The following KIF6 variants were observed in gnomAD, a reference collection of about 807,000 sequenced individuals.
KIF6 encodes the protein kinesin family member 6.
KIF6 carries 106 observed loss-of-function variants against 112.7 expected under a neutral mutation model. That is an observed-to-expected ratio of 0.94 (90% CI 0.80 to 1.11). The LOEUF is 1.11. KIF6 is among the 50% of genes least tolerant of loss of function. KIF6 has a pLI of 0.00. For missense variants in KIF6, 929 were observed against 964.0 expected, an observed-to-expected ratio of 0.96 and a Z score of 0.48; for synonymous variants, 339 against 339.9, an observed-to-expected ratio of 1.00 and a Z score of 0.03.
chr6:39,683,779 C>T (rs961275011), intron 3 of KIF6, among the ~76,000 whole-genome samples: 19 of 152,006 alleles, frequency 1.2e-4, no homozygotes, highest in African/African-American at 4.6e-4. Context: ...TTTGGGTCAT[C>T]CTCTGGAAAT....
At chr6:39,425,850 C>G (rs1770727829) in intron 14 of KIF6, among the ~76,000 whole-genome samples, 1 of 151,310 alleles carries the variant, frequency 6.6e-6, no homozygotes, top group South Asian at 2.1e-4. Context: ...TAATGGGAGC[C>G]AGGAAACTCC....
At chr6:39,689,544 A>C (rs1327731838) in intron 3 of KIF6, among the ~76,000 whole-genome samples, 2 of 152,192 alleles carry the variant, frequency 1.3e-5, no homozygotes, top group Non-Finnish European at 2.9e-5. Context: ...TGCAAAATGC[A>C]AGCATTAAAC....
chr6:39,369,961 T>TCAG (rs2150282014), intron 16 of KIF6, among the ~76,000 whole-genome samples: 1 of 152,272 alleles, frequency 6.6e-6, no homozygotes, highest in African/African-American at 2.4e-5. Flanking sequence ...ACCCACAAGG[T>TCAG]TCCCCTTTTT....
At chr6:39,363,698 T>A (rs1022422891) in intron 16 of KIF6, among the ~76,000 whole-genome samples, 2 of 152,228 alleles carry the variant, frequency 1.3e-5, no homozygotes, top group Non-Finnish European at 2.9e-5. Context: ...CTTCCAGACA[T>A]GCTCAGACTG....
At chr6:39,381,499 C>G (rs555396328) in intron 16 of KIF6, among the ~76,000 whole-genome samples, 1 of 152,246 alleles carries the variant, frequency 6.6e-6, no homozygotes, top group Admixed American at 6.5e-5. Context: ...CCAAATACAC[C>G]GAGTAGGCTG....
chr6:39,432,675 A>G (rs764272908), intron 13 of KIF6, among the ~76,000 whole-genome samples: 23 of 152,200 alleles, frequency 1.5e-4, no homozygotes, highest in Non-Finnish European at 3.1e-4. Context: ...AGACGCAGAA[A>G]GATGATCCCT....
At chr6:39,641,793 C>T (rs575076660) in intron 3 of KIF6, among the ~76,000 whole-genome samples, 2 of 152,176 alleles carry the variant, frequency 1.3e-5, no homozygotes, top group East Asian at 1.9e-4. Flanking sequence ...GTTATGTCTA[C>T]TTTTTTATGC....
At chr6:39,492,745 C>T (rs1002650971) in intron 13 of KIF6, among the ~76,000 whole-genome samples, 9 of 152,178 alleles carry the variant, frequency 5.9e-5, no homozygotes, top group African/African-American at 1.9e-4. Context: ...TAACTTATAT[C>T]TGTAGGTCTA....
rs370011414 is a variant in KIF6 at position 39,443,114 on chromosome 6, AAATAATAATAATAATAAT to A, written c.1646-11971_1646-11954del. Among the ~76,000 whole-genome samples, 168 of 131,566 alleles carry A rather than the reference AAATAATAATAATAATAAT, an allele frequency of 1.3e-3. 1 individual carries two copies. Among genetic ancestry groups the A allele is most frequent in the Middle Eastern group, 0.011 (3 of 262 alleles). The allele number at this position is 131,566 out of a possible 152,430, so 86.3% of individuals were successfully genotyped here. On this transcript the variant is annotated intron_variant, in intron 13 of 22. Coordinates refer to ENST00000287152, the MANE Select transcript of KIF6 (RefSeq NM_145027.6). ...GGGCGACAGAGTGAGACTGCATCTC[AAATAATAATAATAATAAT>A]AATAATAATAATAATAATAATAATA...
intron 22 of KIF6, among the ~76,000 whole-genome samples, chr6:39,337,237 TTTTC>T (rs1763074779): frequency 4.8e-5 from 2 of 41,690 alleles, no homozygotes; most frequent in African/African-American, 9.5e-5. Flanking sequence ...CTTTCTTTCT[TTTTC>T]TTTCTTTTCT....
intron 5 of KIF6, among the ~76,000 whole-genome samples, chr6:39,616,228 G>A (rs747070404): frequency 3.3e-5 from 5 of 152,150 alleles, no homozygotes; most frequent in Non-Finnish European, 5.9e-5. Flanking sequence ...AAATCACCCA[G>A]AGCCTTTGAT....
intron 12 of KIF6, among the ~76,000 whole-genome samples, chr6:39,541,437 T>C (rs934388928): frequency 7.9e-5 from 12 of 152,212 alleles, no homozygotes; most frequent in Non-Finnish European, 1.3e-4. Flanking sequence ...CCTCTTTGTA[T>C]GGAACTGATT....
intron 10 of KIF6, among the ~76,000 whole-genome samples, chr6:39,546,419 T>C (rs1779072509): frequency 6.6e-6 from 1 of 152,194 alleles, no homozygotes. Flanking sequence ...CTCCTCTCTA[T>C]ACTGACTCCT....
At chr6:39,497,819 G>A (rs1775880106) in intron 13 of KIF6, among the ~76,000 whole-genome samples, 1 of 152,072 alleles carries the variant, frequency 6.6e-6, no homozygotes, top group African/African-American at 2.4e-5. Context: ...TCCATCCCCT[G>A]TTCTGTTCCA....
chr6:39,537,706 G>GA (rs1341576583), intron 13 of KIF6, among the ~76,000 whole-genome samples: 1 of 152,046 alleles, frequency 6.6e-6, no homozygotes, highest in Non-Finnish European at 1.5e-5. Flanking sequence ...CACAGAATTG[G>GA]AAAAAACTAC....
chr6:39,465,946 C>G (rs572615590), intron 13 of KIF6, among the ~76,000 whole-genome samples: 2 of 152,344 alleles, frequency 1.3e-5, no homozygotes, highest in South Asian at 2.1e-4. Flanking sequence ...CTGAAGCCCA[C>G]TTTAATTCTT....
rs73732112 is a variant in KIF6 at position 39,426,800 on chromosome 6, G to C, written c.1754+4253C>G. On this transcript the variant is annotated intron_variant, in intron 14 of 22. Transcript: ENST00000287152. The stretch of plus-strand genomic sequence containing the variant: ...GAAGGGGATGGGGGAACCACTCACT[G>C]TCCCCTCCTGCAACTCTAAATCAAT... Among the ~76,000 whole-genome samples the C allele has an allele frequency of 6.8e-3, 1,034 of 152,218 alleles. 10 individuals carry two copies. Among genetic ancestry groups the C allele is most frequent in the African/African-American group, 0.024 (987 of 41,528 alleles).
Position 39,343,753 on chromosome 6 carries a change from A to T in KIF6, c.2384T>A (p.Ile795Asn). ...LTGDSQTDSD[I>N]IAFIKARQSI... ...CTGTCTGGCCTTGATGAAGGCGATG[A>T]TGTCCGAGTCCGTCTGGCTGTCTCC... The change falls in exon 22 of 23, where the codon ATC becomes AAC. Residue 795 changes from isoleucine (I) to asparagine (N), a missense_variant. This residue lies in a region of KIF6 where 241 missense variants were observed against 301.4 expected (regional missense o/e 0.80). Coordinates refer to ENST00000287152, the MANE Select transcript of KIF6 (RefSeq NM_145027.6). This position sits in a 1 kb window ranked among gnomAD's most constrained non-coding sequence, Gnocchi z 4.1. 1 of 1,613,046 alleles carries T rather than the reference A, an allele frequency of 6.2e-7. No individual in the cohort carries two copies.
chr6:39,367,798 G>A (rs1765682860), intron 16 of KIF6, among the ~76,000 whole-genome samples: 1 of 152,124 alleles, frequency 6.6e-6, no homozygotes, highest in South Asian at 2.1e-4. Flanking sequence ...CTCCCACGCA[G>A]TTATCTGATA....
Sources: gnomAD v4.1 joint callset for allele counts (sites outside exome capture counted in the v4.1 genomes callset) on GRCh38, gnomAD v4.1.1 for gene constraint, gnomAD v4.1.1 regional missense constraint, Gnocchi (gnomAD v3.1) non-coding constraint, MANE v1.5 for transcripts, NCBI Gene and HGNC (gene_info 2026-07-23, HGNC 2026-07-21) for gene names.